Variants in CORIN observed in about 807,000 individuals in gnomAD.
The protein encoded by CORIN is atrial natriuretic peptide-converting enzyme.
CORIN carries 117 observed loss-of-function variants against 125.3 expected under a neutral mutation model. That is an observed-to-expected ratio of 0.93 (90% confidence interval 0.80 to 1.09). The LOEUF is 1.09. Ranked by LOEUF, CORIN falls within the 50% of genes least tolerant of loss-of-function variation. CORIN has a pLI of 0.00. For synonymous variants in CORIN, 450 were observed against 466.4 expected (o/e 0.96, Z 0.45); for missense variants, 1,253 against 1,306.7 (o/e 0.96, Z 0.63).
At chr4:47,655,263 A>G (rs746687262) in intron 12 of CORIN, among the ~76,000 whole-genome samples, 9 of 152,018 alleles carry the variant, frequency 5.9e-5, no homozygotes, top group Non-Finnish European at 1.3e-4. Flanking sequence ...TGATGGCTAC[A>G]GGGAGAAACT....
chr4:47,651,065 A>G (rs1338258421), intron 13 of CORIN, among the ~76,000 whole-genome samples: 1 of 152,242 alleles, frequency 6.6e-6, no homozygotes, highest in Non-Finnish European at 1.5e-5. Flanking sequence ...TTATAAGTTA[A>G]GTGCTTTGGT....
chr4:47,720,719 T>G (rs1203970558), intron 5 of CORIN, among the ~76,000 whole-genome samples: 1 of 152,232 alleles, frequency 6.6e-6, no homozygotes, highest in Admixed American at 6.5e-5. Context: ...CTGCAAGAGA[T>G]GATTTTTAAA....
At chr4:47,787,279 T>G (rs183424655) in intron 2 of CORIN, among the ~76,000 whole-genome samples, 1 of 152,326 alleles carries the variant, frequency 6.6e-6, no homozygotes, top group Non-Finnish European at 1.5e-5. Context: ...TGGTGAATCT[T>G]ACAGCATTCT....
intron 10 of CORIN, among the ~76,000 whole-genome samples, chr4:47,665,474 G>A (rs1724440113): frequency 6.6e-6 from 1 of 152,138 alleles, no homozygotes; most frequent in Non-Finnish European, 1.5e-5. Context: ...TGTATATGTA[G>A]TTGCTAGCAC....
chr4:47,762,694 G>A (rs1190372697), intron 4 of CORIN, among the ~76,000 whole-genome samples: 1 of 152,164 alleles, frequency 6.6e-6, no homozygotes, highest in Non-Finnish European at 1.5e-5. Flanking sequence ...AGATTTAGTT[G>A]AGATTCTGGA....
rs1224313181 is a variant in CORIN at position 47,807,019 on chromosome 4, C to A, written c.92G>T (p.Gly31Val). ...CGCCAGCTTCTGAGAGCAGCCATTG[C>A]CCATGTTATTGTCATCAGCTCTCAA... is the stretch of plus-strand genomic sequence containing the variant. ...PVLRADDNNM[G>V]NGCSQKLATA... The change falls in exon 2 of 22, where the codon GGC (glycine) becomes GTC (valine). Residue 31 changes from glycine to valine, a missense_variant. By Grantham distance (109) the Gly-to-Val change is moderately radical. Transcript: ENST00000273857. The A allele has an allele frequency of 1.2e-6, 2 of 1,613,576 alleles. No homozygotes were observed. Among genetic ancestry groups the A allele is most frequent in the Admixed American group, 3.3e-5 (2 of 59,888 alleles).
At chr4:47,632,471 C>T (rs994021697) in intron 16 of CORIN, 1 of 152,158 alleles carries the variant, frequency 6.6e-6, no homozygotes, top group African/African-American at 2.4e-5. Flanking sequence ...ACAGATTTGA[C>T]ATACTAATAA....
intron 1 of CORIN, among the ~76,000 whole-genome samples, chr4:47,830,088 C>A (rs1467498991): frequency 6.6e-6 from 1 of 152,152 alleles, no homozygotes; most frequent in Non-Finnish European, 1.5e-5. Context: ...GAAGTAGCAT[C>A]TTGCTCCCAG....
intron 5 of CORIN, among the ~76,000 whole-genome samples, chr4:47,695,699 T>C (rs959924699): frequency 6.6e-6 from 1 of 152,252 alleles, no homozygotes; most frequent in African/African-American, 2.4e-5. Flanking sequence ...GTAGTTAATA[T>C]TACTTTTATA....
chr4:47,778,808 A>G (rs1293185143), intron 3 of CORIN, among the ~76,000 whole-genome samples: 4 of 152,200 alleles, frequency 2.6e-5, no homozygotes, highest in African/African-American at 9.7e-5. Flanking sequence ...ACCAGAGCAC[A>G]TGGGAATGGC....
In CORIN at chr4:47,836,452, C is replaced by T. The variant is rs759951379; in HGVS notation, c.63+1435G>A. On this transcript the variant is annotated intron_variant, in intron 1 of 21. Transcript: ENST00000273857. ...ATCACCAGTAAGTCCTGACTTCACC[C>T]CCTTTCTGGTAGCGGTCTGACGTTC... Among the ~76,000 whole-genome samples the T allele has an allele frequency of 4.6e-5, 7 of 152,300 alleles. No homozygotes were observed. In the South Asian group the frequency reaches 1.0e-3, roughly 23 times the overall value.
intron 3 of CORIN, among the ~76,000 whole-genome samples, chr4:47,779,381 A>T (rs931393355): frequency 6.6e-6 from 1 of 151,736 alleles, no homozygotes; most frequent in African/African-American, 2.4e-5. Flanking sequence ...GTAGTAATCC[A>T]GGTAAAACTC....
intron 21 of CORIN, among the ~76,000 whole-genome samples, chr4:47,599,900 C>T (rs1721386557): frequency 6.6e-6 from 1 of 152,176 alleles, no homozygotes; most frequent in South Asian, 2.1e-4. Flanking sequence ...CTTAGAACCT[C>T]ATTTATCCTA....
chr4:47,646,570 T>G (rs1359659089), intron 13 of CORIN, among the ~76,000 whole-genome samples: 3 of 152,172 alleles, frequency 2.0e-5, no homozygotes, highest in Non-Finnish European at 4.4e-5. Flanking sequence ...GTCATTCCGG[T>G]CAGATCCCTG....
chr4:47,829,064 A>G (rs1246752642), intron 1 of CORIN, among the ~76,000 whole-genome samples: 1 of 146,268 alleles, frequency 6.8e-6, no homozygotes, highest in Admixed American at 6.9e-5. Context: ...AGGCTGAGGC[A>G]GGAGAATAGC....
chr4:47,636,325 C>T (rs144578224), intron 16 of CORIN, among the ~76,000 whole-genome samples: 5 of 152,320 alleles, frequency 3.3e-5, no homozygotes, highest in African/African-American at 7.2e-5. Flanking sequence ...CTTAGACTAA[C>T]TCACTCAAAT....
chr4:47,668,817 A>G (rs1222798965), intron 10 of CORIN, among the ~76,000 whole-genome samples: 1 of 152,182 alleles, frequency 6.6e-6, no homozygotes, highest in African/African-American at 2.4e-5. Context: ...TTAAGTAATG[A>G]TCATATATTA....
At chr4:47,716,557 C>T (rs1483652918) in intron 5 of CORIN, among the ~76,000 whole-genome samples, 1 of 152,192 alleles carries the variant, frequency 6.6e-6, no homozygotes, top group East Asian at 1.9e-4. Flanking sequence ...TTTCTATTTA[C>T]ATAGTAAAGG....
chr4:47,737,543 C>G (rs956698802), intron 5 of CORIN, among the ~76,000 whole-genome samples: 1 of 152,186 alleles, frequency 6.6e-6, no homozygotes, highest in African/African-American at 2.4e-5. Flanking sequence ...CTCTTGTAGG[C>G]TTAATACATT....
Sources: allele counts gnomAD v4.1 joint callset (sites outside exome capture counted in the v4.1 genomes callset), GRCh38; gene constraint gnomAD v4.1.1; transcripts MANE v1.5; gene names NCBI Gene and HGNC (gene_info 2026-07-23, HGNC 2026-07-21).